The following MAP3K20 variants were observed in gnomAD, a reference collection of about 807,000 sequenced individuals.
MAP3K20 encodes HCCS-4.
In MAP3K20, 40 loss-of-function variants were observed where a neutral mutation model predicts 85.7. The observed-to-expected ratio is 0.47, with a 90% CI of 0.36 to 0.61. MAP3K20 has a LOEUF of 0.61. Among genes scored for constraint, MAP3K20 ranks in the 20% least tolerant of loss-of-function variants. The probability of loss-of-function intolerance (pLI) is 0.00; values close to 1 mark genes in which losing one functional copy is unlikely to be tolerated. For missense variants in MAP3K20, 817 were observed against 961.7 expected, an observed-to-expected ratio of 0.85 and a Z score of 1.99; for synonymous variants, 325 against 327.7, an observed-to-expected ratio of 0.99 and a Z score of 0.09.
intron 11 of MAP3K20, among the ~76,000 whole-genome samples, chr2:173,218,509 T>C (rs1684142130): frequency 6.6e-6 from 1 of 152,224 alleles, no homozygotes; most frequent in Non-Finnish European, 1.5e-5. Flanking sequence ...CTGTTCTGGC[T>C]GAGTGGCAGC....
Position 173,091,191 on chromosome 2 carries a change from G to A in MAP3K20, c.159+1G>A. 1 of 1,609,378 alleles carries A rather than the reference G, an allele frequency of 6.2e-7. No homozygotes were observed. The highest frequency in any genetic ancestry group is 8.5e-7 in the Non-Finnish European group (1 of 1,177,770). On this transcript the variant is annotated splice_donor_variant, in intron 2 of 19. Transcript: ENST00000375213. LOFTEE classifies it high-confidence loss of function. The stretch of plus-strand genomic sequence containing the variant: ...GAAGCTCCTCAAAATAGAGAAAGAG[G>A]TAAGGTCTTTTCCAGCTGACAGAAA...
chr2:173,130,196 C>T (rs1421037433), intron 2 of MAP3K20, among the ~76,000 whole-genome samples: 1 of 152,068 alleles, frequency 6.6e-6, no homozygotes, highest in African/African-American at 2.4e-5. Context: ...TTTGAAACAA[C>T]CTAAATTTTC....
intron 9 of MAP3K20, among the ~76,000 whole-genome samples, chr2:173,206,028 T>TTATATGTCCATTG (rs1322628784): frequency 2.0e-5 from 3 of 152,234 alleles, no homozygotes; most frequent in Non-Finnish European, 4.4e-5. Context: ...TTCTTACTAG[T>TTATATGTCCATTG]TATATGTCCA....
chr2:173,260,558 T>C (rs988326037), intron 17 of MAP3K20, among the ~76,000 whole-genome samples: 7 of 151,940 alleles, frequency 4.6e-5, no homozygotes, highest in Non-Finnish European at 1.0e-4. Context: ...TCCTTTGTTT[T>C]AATATAGTGG....
rs532996788 is a variant in MAP3K20, at chr2:173,209,813, C to G, written c.829C>G (p.Leu277Val). 47 of 1,614,136 alleles carry G rather than the reference C, an allele frequency of 2.9e-5. No individual in the cohort carries two copies. Among genetic ancestry groups the G allele is most frequent in the African/African-American group, 2.4e-4 (18 of 75,048 alleles). Residue 277 changes from leucine (L) to valine (V), a missense_variant, in exon 10 of 20, where the codon CTA (leucine) becomes GTA (valine). Leu to Val is a conservative substitution (Grantham distance 32, BLOSUM62 1). Around this residue, in one of 4 missense-constraint regions of MAP3K20, gnomAD observed 158 missense variants for 162.0 expected, o/e 0.98. Transcript: ENST00000375213. ...TSLPDKCNSF[L>V]HNKAEWRCEI... Reference sequence around the variant, plus strand: ...CCTTCCTGACAAGTGTAACTCATTCCTACACAACAAGGCGGAGTGGAGGTG... The same window carrying G: ...CCTTCCTGACAAGTGTAACTCATTCGTACACAACAAGGCGGAGTGGAGGTG...
intron 11 of MAP3K20, chr2:173,224,451 G>A: frequency 3.0e-6 from 3 of 985,300 alleles, no homozygotes; most frequent in Non-Finnish European, 2.4e-6. Context: ...TAGGGCCAAA[G>A]AGAAAAATAA....
chr2:173,118,260 A>G (rs1190527957), intron 2 of MAP3K20, among the ~76,000 whole-genome samples: 1 of 152,222 alleles, frequency 6.6e-6, no homozygotes, highest in Non-Finnish European at 1.5e-5. Flanking sequence ...CTGTAAATAG[A>G]TGTGTCAGAA....
chr2:173,187,498 G>T (rs1690522463), intron 4 of MAP3K20, 60 bp from the exon 5 acceptor site: 1 of 1,407,282 alleles, frequency 7.1e-7, no homozygotes, highest in African/African-American at 1.5e-5. Context: ...ACTATGAAAG[G>T]TAATACTGAT....
In MAP3K20 at chr2:173,159,536, C is replaced by T. The variant is rs78412266; in HGVS notation, c.160-10269C>T. The stretch of plus-strand genomic sequence containing the variant: ...TCCTGAGTAGCTGGGACTACAGGCA[C>T]ATGCCACTACGCCTGGCTAATTTCT... On this transcript the variant is annotated intron_variant, in intron 2 of 19. Transcript: ENST00000375213. Among the ~76,000 whole-genome samples, 531 of 152,108 alleles carry T rather than the reference C, an allele frequency of 3.5e-3. 8 individuals carry two copies. Among genetic ancestry groups the T allele is most frequent in the Admixed American group, 0.028 (428 of 15,272 alleles).
chr2:173,248,224 T>C (rs928296310), intron 16 of MAP3K20, among the ~76,000 whole-genome samples: 5 of 152,158 alleles, frequency 3.3e-5, no homozygotes, highest in African/African-American at 1.2e-4. Flanking sequence ...ATGCTGCTTC[T>C]CAGTTTCGTC....
chr2:173,236,568 G>A (rs909429485), intron 14 of MAP3K20, among the ~76,000 whole-genome samples: 1 of 152,108 alleles, frequency 6.6e-6, no homozygotes, highest in African/African-American at 2.4e-5. Flanking sequence ...CATTCACAGA[G>A]GGGCAGTCTC....
intron 2 of MAP3K20, among the ~76,000 whole-genome samples, chr2:173,146,521 C>T (rs1335935823): frequency 2.0e-5 from 3 of 152,082 alleles, no homozygotes; most frequent in African/African-American, 7.2e-5. Flanking sequence ...ATTTTTATCA[C>T]CTCCAAAAGA....
At chr2:173,264,292 G>A (rs1685362397) in intron 19 of MAP3K20, among the ~76,000 whole-genome samples, 1 of 152,152 alleles carries the variant, frequency 6.6e-6, no homozygotes, top group African/African-American at 2.4e-5. Flanking sequence ...CCCAGAGGTA[G>A]GGCAGGCTCC....
At chr2:173,119,298 G>A (rs1292264808) in intron 2 of MAP3K20, among the ~76,000 whole-genome samples, 2 of 152,156 alleles carry the variant, frequency 1.3e-5, no homozygotes, top group Admixed American at 6.5e-5. Context: ...TGTGTCATGG[G>A]GCAGAGCTGG....
intron 15 of MAP3K20, 87 bp downstream of exon 15, chr2:173,238,522 G>A: frequency 8.1e-7 from 1 of 1,231,274 alleles, no homozygotes; most frequent in Admixed American, 2.2e-5. Context: ...GCCAATGTCA[G>A]TAATGGTTGT....
intron 2 of MAP3K20, among the ~76,000 whole-genome samples, chr2:173,148,986 TC>T (rs1189214189): frequency 6.6e-6 from 1 of 152,212 alleles, no homozygotes; most frequent in African/African-American, 2.4e-5. Flanking sequence ...AAAGCTGACT[TC>T]CTACACTGAA....
intron 3 of MAP3K20, among the ~76,000 whole-genome samples, chr2:173,179,978 CAAAT>C (rs1423171705): frequency 1.3e-5 from 2 of 152,050 alleles, no homozygotes; most frequent in African/African-American, 4.8e-5. Flanking sequence ...AAGATCTAAA[CAAAT>C]AGACATTTAC....
chr2:173,111,831 A>C (rs1389900669), intron 2 of MAP3K20, among the ~76,000 whole-genome samples: 1 of 152,046 alleles, frequency 6.6e-6, no homozygotes, highest in Non-Finnish European at 1.5e-5. Flanking sequence ...CTATGGCTTT[A>C]TTGTATAGTT....
At chr2:173,222,496 T>C (rs570213938) in intron 11 of MAP3K20, 454 of 985,830 alleles carry the variant, frequency 4.6e-4, no homozygotes, top group Non-Finnish European at 5.1e-4. Context: ...TTGTGCTTTA[T>C]ACAAAGAGAA....
Sources: allele counts gnomAD v4.1 joint callset (sites outside exome capture counted in the v4.1 genomes callset), GRCh38; gene constraint gnomAD v4.1.1; regional missense constraint gnomAD v4.1.1; transcripts MANE v1.5; gene names NCBI Gene and HGNC (gene_info 2026-07-23, HGNC 2026-07-21).